The following CNTN4 variants were observed in gnomAD, a reference collection of about 807,000 sequenced individuals.
CNTN4 encodes contactin-4.
Under a neutral mutation model 122.5 loss-of-function variants are expected in CNTN4, and 77 were observed. The observed-to-expected ratio is 0.63, with a 90% CI of 0.52 to 0.76. The LOEUF is 0.76. Ranked by LOEUF, CNTN4 falls within the 30% of genes least tolerant of loss-of-function variation. The probability of loss-of-function intolerance (pLI) is 0.00; values close to 1 mark genes in which losing one functional copy is unlikely to be tolerated. For synonymous variants in CNTN4, 512 were observed against 447.0 expected (o/e 1.15, Z -1.83); for missense variants, 1,256 against 1,259.1 (o/e 1.00, Z 0.04).
intron 13 of CNTN4, among the ~76,000 whole-genome samples, chr3:2,965,353 A>T (rs929321623): frequency 1.3e-5 from 2 of 152,234 alleles, no homozygotes; most frequent in African/African-American, 4.8e-5. Context: ...CTAGTCTGGC[A>T]GTGTCTAGAA....
intron 2 of CNTN4, among the ~76,000 whole-genome samples, chr3:2,148,718 G>A (rs557374162): frequency 2.6e-5 from 4 of 151,934 alleles, no homozygotes; most frequent in East Asian, 1.9e-4. Flanking sequence ...TAAATGAGTC[G>A]GTGAATGTTA....
chr3:2,907,869 T>A (rs1160111346), intron 12 of CNTN4, among the ~76,000 whole-genome samples: 1 of 152,260 alleles, frequency 6.6e-6, no homozygotes, highest in Admixed American at 6.5e-5. Flanking sequence ...ATTTACTCAC[T>A]GGATGGGCAA....
intron 4 of CNTN4, among the ~76,000 whole-genome samples, chr3:2,609,298 C>A (rs556443817): frequency 6.6e-6 from 1 of 152,264 alleles, no homozygotes; most frequent in East Asian, 1.9e-4. Context: ...AGCTTAGGAC[C>A]CTTTGCCCTT....
At chr3:2,742,829 G>A (rs1002081393) in intron 5 of CNTN4, among the ~76,000 whole-genome samples, 1 of 152,142 alleles carries the variant, frequency 6.6e-6, no homozygotes, top group Non-Finnish European at 1.5e-5. Flanking sequence ...TTTCAAGCGT[G>A]TTTCAGTATA....
chr3:2,159,093 A>T (rs1018379615), intron 2 of CNTN4, among the ~76,000 whole-genome samples: 1 of 152,150 alleles, frequency 6.6e-6, no homozygotes, highest in Non-Finnish European at 1.5e-5. Flanking sequence ...TAGCAGGCCT[A>T]TAACTTCTTC....
intron 14 of CNTN4, among the ~76,000 whole-genome samples, chr3:3,012,917 G>A (rs1027592266): frequency 4.0e-5 from 6 of 151,868 alleles, no homozygotes; most frequent in Non-Finnish European, 7.4e-5. Flanking sequence ...GCTGTGAGCC[G>A]AGACTGTGCC....
At chr3:2,957,801 G>T (rs564466548) in intron 13 of CNTN4, among the ~76,000 whole-genome samples, 1 of 152,162 alleles carries the variant, frequency 6.6e-6, no homozygotes, top group African/African-American at 2.4e-5. Context: ...AGTATTCCAT[G>T]GTGTATATGT....
intron 3 of CNTN4, among the ~76,000 whole-genome samples, chr3:2,425,246 T>A (rs891893199): frequency 2.6e-4 from 39 of 152,214 alleles, no homozygotes; most frequent in African/African-American, 9.2e-4. Flanking sequence ...TTAATTTTTG[T>A]ATAAGGTGTA....
At chr3:2,228,806 A>G (rs773545710) in intron 2 of CNTN4, among the ~76,000 whole-genome samples, 3 of 152,132 alleles carry the variant, frequency 2.0e-5, no homozygotes, top group South Asian at 2.1e-4. Context: ...ATTTTCTTCT[A>G]TAACCCAATT....
At chr3:2,855,404 C>T (rs1316561850) in intron 7 of CNTN4, among the ~76,000 whole-genome samples, 1 of 152,216 alleles carries the variant, frequency 6.6e-6, no homozygotes, top group Admixed American at 6.5e-5. Context: ...CCCTGTCTCT[C>T]CAATGGAACT....
chr3:2,494,822 T>A (rs1450799773), intron 3 of CNTN4, among the ~76,000 whole-genome samples: 1 of 152,222 alleles, frequency 6.6e-6, no homozygotes, highest in Non-Finnish European at 1.5e-5. Flanking sequence ...TCTGTGTTAA[T>A]GCTGGCCAGT....
At chr3:2,981,145 C>T (rs1693926785) in intron 13 of CNTN4, among the ~76,000 whole-genome samples, 1 of 152,120 alleles carries the variant, frequency 6.6e-6, no homozygotes. Flanking sequence ...GGCTGCTTTT[C>T]GTTAAAAGGA....
At chr3:2,361,466 A>G (rs1247063192) in intron 3 of CNTN4, among the ~76,000 whole-genome samples, 2 of 152,200 alleles carry the variant, frequency 1.3e-5, no homozygotes, top group Non-Finnish European at 2.9e-5. Flanking sequence ...AGAAAGAATC[A>G]TCTGGCCAAA....
rs1240655750 is a variant in CNTN4 at position 2,869,910 on chromosome 3, A to C, written c.652+2961A>C. On this transcript the variant is annotated intron_variant, in intron 8 of 24. Coordinates refer to ENST00000418658, the MANE Select transcript of CNTN4 (RefSeq NM_175607.3). The stretch of plus-strand genomic sequence containing the variant: ...TCTCTCCAGACTGACAGATGAAGAA[A>C]GTTTCAAAAGATATGCTCCAGTGGC... Among the ~76,000 whole-genome samples, 10 of 152,234 alleles carry C rather than the reference A, an allele frequency of 6.6e-5. No homozygotes were observed. In the South Asian group the frequency reaches 1.0e-3, roughly 16 times the overall value.
At chr3:2,265,306 A>G (rs914949823) in intron 2 of CNTN4, among the ~76,000 whole-genome samples, 3 of 152,072 alleles carry the variant, frequency 2.0e-5, no homozygotes, top group East Asian at 3.8e-4. Flanking sequence ...TGGACATTGT[A>G]TCAGCACCAT....
At chr3:2,484,667 A>G (rs2076095103) in intron 3 of CNTN4, among the ~76,000 whole-genome samples, 1 of 152,338 alleles carries the variant, frequency 6.6e-6, no homozygotes, top group South Asian at 2.1e-4. Flanking sequence ...ACAGTGAGGA[A>G]CTGCTGCTAT....
intron 4 of CNTN4, among the ~76,000 whole-genome samples, chr3:2,713,994 T>C (rs986095322): frequency 1.3e-5 from 2 of 152,176 alleles, no homozygotes; most frequent in Non-Finnish European, 2.9e-5. Flanking sequence ...AAGCCTGTCA[T>C]GGAGACATGG....
intron 13 of CNTN4, among the ~76,000 whole-genome samples, chr3:2,973,997 G>T (rs1693188533): frequency 6.6e-6 from 1 of 152,146 alleles, no homozygotes; most frequent in African/African-American, 2.4e-5. Context: ...ACAGTATACA[G>T]ACATTAAAAA....
At chr3:2,558,067 A>G (rs543744248) in intron 3 of CNTN4, among the ~76,000 whole-genome samples, 22 of 152,228 alleles carry the variant, frequency 1.4e-4, no homozygotes, top group Non-Finnish European at 2.8e-4. Context: ...AAAAGATATT[A>G]AAAACTCTGA....
Sources: allele counts gnomAD v4.1 joint callset (sites outside exome capture counted in the v4.1 genomes callset), GRCh38; gene constraint gnomAD v4.1.1; transcripts MANE v1.5; gene names NCBI Gene and HGNC (gene_info 2026-07-23, HGNC 2026-07-21).